ADAMTSL1: variants seen among roughly 807,000 people sequenced by gnomAD.
The protein encoded by ADAMTSL1 is ADAMTS like 1.
ADAMTSL1 carries 126 observed loss-of-function variants against 201.8 expected under a neutral mutation model. That is an observed-to-expected ratio of 0.62 (90% CI 0.54 to 0.72). The LOEUF (loss-of-function observed/expected upper bound fraction) is 0.72. Among genes scored for constraint, ADAMTSL1 ranks in the 30% least tolerant of loss-of-function variants. ADAMTSL1 has a pLI of 0.00. For synonymous variants in ADAMTSL1, 1,121 were observed against 903.4 expected, an observed-to-expected ratio of 1.24 and a Z score of -4.32; for missense variants, 2,679 against 2,277.8, an observed-to-expected ratio of 1.18 and a Z score of -3.59.
chr9:18,167,650 C>G (rs1484910863), intron 2 of ADAMTSL1, among the ~76,000 whole-genome samples: 2 of 151,942 alleles, frequency 1.3e-5, no homozygotes, highest in African/African-American at 4.8e-5. Flanking sequence ...CTGGAAAATT[C>G]ACTCAACCAA....
intron 23 of ADAMTSL1, among the ~76,000 whole-genome samples, chr9:18,882,991 CAAAAAAAA>C (rs34408343): frequency 1.8e-5 from 2 of 113,746 alleles, no homozygotes; most frequent in Non-Finnish European, 3.6e-5. Context: ...GAGCCTGCCT[CAAAAAAAA>C]AAAAAAAAAA....
intron 5 of ADAMTSL1, among the ~76,000 whole-genome samples, chr9:18,625,694 C>G (rs976420491): frequency 1.1e-4 from 17 of 152,118 alleles, no homozygotes; most frequent in African/African-American, 3.6e-4. Context: ...TCTATATTTT[C>G]CAAGTATACT....
chr9:18,434,191 T>A (rs1199603230), intron 2 of ADAMTSL1, among the ~76,000 whole-genome samples: 2 of 152,190 alleles, frequency 1.3e-5, no homozygotes, highest in Non-Finnish European at 2.9e-5. Context: ...TAGAAGTTTT[T>A]AAAATTATCT....
At chr9:18,779,276 G>T (rs1382268802) in intron 19 of ADAMTSL1, among the ~76,000 whole-genome samples, 1 of 152,118 alleles carries the variant, frequency 6.6e-6, no homozygotes, top group African/African-American at 2.4e-5. Flanking sequence ...AATAACTTTT[G>T]TCCATCCTGC....
rs114897177 is a variant in ADAMTSL1, at chr9:18,401,506, T to C, written c.208-103323T>C. On this transcript the variant is annotated intron_variant, in intron 2 of 29. Transcript: ENST00000680146. The stretch of plus-strand genomic sequence containing the variant: ...TACCTGGGACCAAGCTGGGAGAGAG[T>C]AGAGGGACAGTATCTGAAGAGGCCT... 3.4e-3 allele frequency among the ~76,000 whole-genome samples: 513 copies of C among 152,172 alleles called. 3 individuals are homozygous for C. The highest frequency in any genetic ancestry group is 0.012 in the African/African-American group (490 of 41,522).
At chr9:18,436,260 G>T (rs1326404516) in intron 2 of ADAMTSL1, among the ~76,000 whole-genome samples, 2 of 152,044 alleles carry the variant, frequency 1.3e-5, no homozygotes, top group Non-Finnish European at 2.9e-5. Context: ...TTAGGAGGAG[G>T]TGTCCAGCCA....
At position 18,909,465 on chromosome 9, in the gene ADAMTSL1, C is replaced by A. The variant is rs1016193613; in HGVS notation, c.*917C>A. ...TGGGTCTCGCCATGCAGTAAGGCCA[C>A]CCTGGCACCTCTTTATCTAAATCCG... On this transcript the variant is annotated 3_prime_UTR_variant, in exon 29 of 29. Transcript: ENST00000380548. 6.6e-6 allele frequency: 1 copy of A among 152,134 alleles called. No homozygotes were observed. Among genetic ancestry groups the A allele is most frequent in the African/African-American group, 2.4e-5 (1 of 41,306 alleles). The allele number at this position is 152,134 out of a possible 1,614,324, so 9.4% of individuals were successfully genotyped here.
At chr9:18,680,697 T>A (rs1830419201) in intron 11 of ADAMTSL1, 181 bp downstream of exon 11, 2 of 628,220 alleles carry the variant, frequency 3.2e-6, no homozygotes, top group Non-Finnish European at 2.7e-6. Context: ...TAAATGATGT[T>A]TTTTTAAAGT....
intron 5 of ADAMTSL1, among the ~76,000 whole-genome samples, chr9:18,631,071 T>C (rs1349292512): frequency 6.6e-6 from 1 of 152,210 alleles, no homozygotes; most frequent in Non-Finnish European, 1.5e-5. Context: ...GAATATAAGA[T>C]ACTACTGATT....
chr9:18,871,379 C>A (rs562067126), intron 23 of ADAMTSL1, among the ~76,000 whole-genome samples: 2 of 152,312 alleles, frequency 1.3e-5, no homozygotes, highest in Admixed American at 1.3e-4. Context: ...TCTCTCAAAT[C>A]ATTTCTTCTC....
chr9:18,033,590 A>G (rs892895686), intron 1 of ADAMTSL1, among the ~76,000 whole-genome samples: 4 of 152,352 alleles, frequency 2.6e-5, no homozygotes, highest in Non-Finnish European at 5.9e-5. Context: ...AAGATTAGAA[A>G]TATGACTTTG....
intron 2 of ADAMTSL1, among the ~76,000 whole-genome samples, chr9:18,171,720 T>C (rs1266985143): frequency 2.0e-5 from 3 of 152,142 alleles, no homozygotes; most frequent in African/African-American, 7.2e-5. Flanking sequence ...TTTGTTGCCA[T>C]TGCTTTTGGT....
chr9:18,900,202 G>C (rs1481961471), intron 26 of ADAMTSL1, among the ~76,000 whole-genome samples: 1 of 152,210 alleles, frequency 6.6e-6, no homozygotes, highest in Non-Finnish European at 1.5e-5. Flanking sequence ...CTGATCATTA[G>C]AGAAATGCAA....
chr9:18,482,317 A>G (rs369965046), intron 1 of ADAMTSL1, among the ~76,000 whole-genome samples: 1 of 152,270 alleles, frequency 6.6e-6, no homozygotes, highest in African/African-American at 2.4e-5. Flanking sequence ...TCTTTCTTCT[A>G]TTTGTTTAAA....
intron 2 of ADAMTSL1, among the ~76,000 whole-genome samples, chr9:18,254,644 T>G (rs998585792): frequency 8.6e-5 from 13 of 151,086 alleles, no homozygotes; most frequent in Middle Eastern, 3.4e-3. Flanking sequence ...ATTACAGGCG[T>G]GAGCCACCGC....
chr9:18,125,500 T>C (rs1825695867), intron 1 of ADAMTSL1, among the ~76,000 whole-genome samples: 2 of 152,182 alleles, frequency 1.3e-5, no homozygotes, highest in Non-Finnish European at 1.5e-5. Context: ...AACCATTACC[T>C]AATCCAAGGT....
chr9:18,889,678 G>A lies in ADAMTSL1; in HGVS notation c.4573G>A (p.Ala1525Thr), dbSNP rs1039095178. Residue 1525 changes from alanine (A) to threonine (T), a missense_variant, in exon 25 of 29, where the codon GCC (alanine) becomes ACC (threonine). Coordinates refer to ENST00000380548, the MANE Select transcript of ADAMTSL1 (RefSeq NM_001040272.6). ...GCTGAACAGCACGGAGGTCAACCCT[G>A]CCCACTGCGCAGGGAAGGTTCGCCC... ...CLLNSTEVNP[A>T]HCAGKVRPAV... is the part of the protein sequence containing the mutation. 2.5e-6 allele frequency: 4 copies of A among 1,603,556 alleles called. No individual in the cohort carries two copies. Among genetic ancestry groups the A allele is most frequent in the Non-Finnish European group, 3.4e-6 (4 of 1,174,946 alleles).
intron 15 of ADAMTSL1, among the ~76,000 whole-genome samples, chr9:18,732,323 T>C (rs556053549): frequency 5.9e-5 from 9 of 152,326 alleles, no homozygotes; most frequent in African/African-American, 1.9e-4. Context: ...CCAGATCTCT[T>C]AGGCAGTTAG....
chr9:18,901,976 T>C (rs112416644), intron 26 of ADAMTSL1, among the ~76,000 whole-genome samples: 70 of 152,262 alleles, frequency 4.6e-4, no homozygotes, highest in African/African-American at 1.7e-3. Context: ...AGTTATTCCA[T>C]GTAAATAAAA....
Sources: gnomAD v4.1 joint callset for allele counts (sites outside exome capture counted in the v4.1 genomes callset) on GRCh38, gnomAD v4.1.1 for gene constraint, MANE v1.5 for transcripts, NCBI Gene and HGNC (gene_info 2026-07-23, HGNC 2026-07-21) for gene names.